ARFGEF2: variants seen among roughly 807,000 people sequenced by gnomAD.
ARFGEF2 encodes the protein ARF guanine nucleotide exchange factor 2.
In ARFGEF2, 74 loss-of-function variants were observed where a neutral mutation model predicts 219.9. The ratio of observed to expected loss-of-function variants is 0.34; its 90% CI spans 0.28 to 0.41. ARFGEF2 has a LOEUF of 0.41. ARFGEF2 is among the 10% of genes least tolerant of loss of function. ARFGEF2 has a pLI of 1.00. For synonymous variants in ARFGEF2, 733 were observed against 799.2 expected, an observed-to-expected ratio of 0.92 and a Z score of 1.40; for missense variants, 1,743 against 2,218.3, an observed-to-expected ratio of 0.79 and a Z score of 4.30.
chr20:48,974,075 T>C (rs1192430652), intron 12 of ARFGEF2, among the ~76,000 whole-genome samples: 2 of 151,792 alleles, frequency 1.3e-5, no homozygotes, highest in Admixed American at 6.6e-5. Flanking sequence ...CTCCTTTTTT[T>C]CAGTCACTGG....
chr20:48,956,827 G>A (rs1033289326), intron 6 of ARFGEF2, among the ~76,000 whole-genome samples: 5 of 152,122 alleles, frequency 3.3e-5, no homozygotes, highest in Non-Finnish European at 7.4e-5. Context: ...TGATCCACCC[G>A]TCTCGGCCTC....
chr20:49,033,447 T>C lies in ARFGEF2; in HGVS notation c.*248T>C. ...TCTGCTTCATTTCTATCATTCCATT[T>C]TTCTGATTAAACTGTCAAATCTGTC... On this transcript the variant is annotated 3_prime_UTR_variant, in exon 39 of 39. Coordinates refer to ENST00000371917, the MANE Select transcript of ARFGEF2 (RefSeq NM_006420.3). 1 of 511,362 alleles carries C rather than the reference T, an allele frequency of 2.0e-6. No individual in the cohort carries two copies. Among genetic ancestry groups the C allele is most frequent in the Non-Finnish European group, 3.5e-6 (1 of 282,972 alleles). 31.7% of individuals were successfully genotyped at this position (511,362 alleles called of 1,614,324 possible).
At chr20:48,989,722 G>A (rs748933090) in intron 20 of ARFGEF2, 38 bp downstream of exon 20, 1 of 1,613,296 alleles carries the variant, frequency 6.2e-7, no homozygotes, top group African/African-American at 1.3e-5. Flanking sequence ...GATACTGGTG[G>A]GTTGTGCTCT....
chr20:48,942,446 C>T (rs1343917823), intron 3 of ARFGEF2, among the ~76,000 whole-genome samples: 1 of 150,098 alleles, frequency 6.7e-6, no homozygotes, highest in Non-Finnish European at 1.5e-5. Context: ...CACCACACCT[C>T]CTGGCTCAGC....
rs776024561 is a variant in ARFGEF2, at chr20:49,010,346, C to T, written c.3699C>T (p.Ala1233=). ...TCTTTGCCGTGTTCCACCAGGCAGC[C>T]TCTGATCATGATGGGAACATTGTGG... ...KNIFAVFHQA[A]SDHDGNIVEL... Residue 1233 remains alanine, a synonymous_variant, in exon 27 of 39, where the codon GCC becomes GCT. Coordinates refer to ENST00000371917, the MANE Select transcript of ARFGEF2 (RefSeq NM_006420.3). 20 of 1,614,088 alleles carry T rather than the reference C, an allele frequency of 1.2e-5. No individual in the cohort carries two copies. Among genetic ancestry groups the T allele is most frequent in the African/African-American group, 4.0e-5 (3 of 74,930 alleles).
rs182206658 is a variant in ARFGEF2 at position 48,984,765 on chromosome 20, C to G, written c.1995C>G (p.Leu665=). ...NKKPKRGIQF[L]QEQGMLGTSV... ...AACCCAAGAGGGGGATCCAGTTTCT[C>G]CAGGAGCAGGGCATGCTGGGAACGT... Residue 665 remains leucine (L), a synonymous_variant, in exon 15 of 39, where the codon CTC becomes CTG. Coordinates refer to ENST00000371917, the MANE Select transcript of ARFGEF2 (RefSeq NM_006420.3). 1.9e-6 allele frequency: 3 copies of G among 1,613,870 alleles called. No individual in the cohort carries two copies. Among genetic ancestry groups the G allele is most frequent in the East Asian group, 2.2e-5 (1 of 44,864 alleles).
intron 3 of ARFGEF2, among the ~76,000 whole-genome samples, chr20:48,945,900 GTTCTCTGAGATGTAATAGA>G (rs1394036454): frequency 6.6e-6 from 1 of 152,114 alleles, no homozygotes; most frequent in Non-Finnish European, 1.5e-5. Context: ...AGGAATGGAA[GTTCTCTGAGATGTAATAGA>G]TTCTCTGAGA....
Position 49,022,429 on chromosome 20 carries a change from CAAA to C in ARFGEF2, c.4625-612_4625-610del, listed in dbSNP as rs1193595894. Among the ~76,000 whole-genome samples, 193 of 140,692 alleles carry C rather than the reference CAAA, an allele frequency of 1.4e-3. 1 individual carries two copies. Among genetic ancestry groups the C allele is most frequent in the Middle Eastern group, 3.6e-3 (1 of 278 alleles). The allele number at this position is 140,692 out of a possible 152,430, so 92.3% of individuals were successfully genotyped here. ...ATTTAAAAAACAACAACAACAACAA[CAAA>C]AAAAAAAAACCCACAAGCTTCTGGC... is the stretch of plus-strand genomic sequence containing the variant. On this transcript the variant is annotated intron_variant, in intron 34 of 38. Coordinates refer to ENST00000371917, the MANE Select transcript of ARFGEF2 (RefSeq NM_006420.3).
At chr20:48,925,624 C>T (rs898249039) in intron 1 of ARFGEF2, among the ~76,000 whole-genome samples, 1 of 151,948 alleles carries the variant, frequency 6.6e-6, no homozygotes, top group Non-Finnish European at 1.5e-5. Flanking sequence ...TTGCATGAGC[C>T]CAGGAGTTTG....
intron 14 of ARFGEF2, among the ~76,000 whole-genome samples, chr20:48,979,876 T>G (rs1023743596): frequency 1.3e-5 from 2 of 152,316 alleles, no homozygotes; most frequent in African/African-American, 4.8e-5. Flanking sequence ...ATTTTCTTCT[T>G]TATTAGTCTT....
Position 48,972,434 on chromosome 20 carries a change from A to C in ARFGEF2, c.1525+9A>C, listed in dbSNP as rs746627844. On this transcript the variant is annotated intron_variant, in intron 11 of 38. Transcript: ENST00000371917. ...GACGAGGATCTGTGCAGGTATTTCC[A>C]CCTGGGGACACTCATCCACTGGACT... 14 of 1,598,430 alleles carry C rather than the reference A, an allele frequency of 8.8e-6. 1 individual carries two copies. The South Asian group carries it at 1.5e-4, about 18-fold the overall frequency.
At chr20:49,014,929 C>T (rs6012582) in intron 30 of ARFGEF2, among the ~76,000 whole-genome samples, 112 of 152,252 alleles carry the variant, frequency 7.4e-4, no homozygotes, top group African/African-American at 2.6e-3. Context: ...AGGCAGCCAC[C>T]GTTAAGACCT....
chr20:48,996,483 G>A (rs1008587588), intron 23 of ARFGEF2, among the ~76,000 whole-genome samples: 3 of 151,442 alleles, frequency 2.0e-5, no homozygotes, highest in Admixed American at 6.6e-5. Context: ...CCATGCTCAT[G>A]CCTGTAATCC....
chr20:49,028,467 C>T, intron 36 of ARFGEF2, 63 bp from the exon 37 acceptor site: 1 of 1,462,892 alleles, frequency 6.8e-7, no homozygotes, highest in Non-Finnish European at 9.6e-7. Context: ...GATTTCTAGT[C>T]ATACACAGTT....
At position 48,921,807 on chromosome 20, in the gene ARFGEF2, G is replaced by T. The variant is rs895185517; in HGVS notation, c.-83G>T. The T allele has an allele frequency of 3.2e-6, 4 of 1,237,538 alleles. No individual in the cohort carries two copies. The highest frequency in any genetic ancestry group is 2.8e-4 in the Middle Eastern group (1 of 3,518). The allele number at this position is 1,237,538 out of a possible 1,614,324, so 76.7% of individuals were successfully genotyped here. ...CGGACGGACGCGGCCGGTGCCGGCC[G>T]GGACGCCGGGCCCGCAGCCTAGCTC... On this transcript the variant is annotated 5_prime_UTR_variant, in exon 1 of 39. Coordinates refer to ENST00000371917, the MANE Select transcript of ARFGEF2 (RefSeq NM_006420.3).
At chr20:48,929,280 TTGTG>T (rs1267394823) in intron 1 of ARFGEF2, among the ~76,000 whole-genome samples, 1 of 152,244 alleles carries the variant, frequency 6.6e-6, no homozygotes, top group Non-Finnish European at 1.5e-5. Context: ...TTTTATACCT[TTGTG>T]AGGAGAACAG....
chr20:48,957,864 A>G (rs543090955), intron 6 of ARFGEF2, among the ~76,000 whole-genome samples: 23 of 152,260 alleles, frequency 1.5e-4, no homozygotes, highest in Admixed American at 1.1e-3. Context: ...TTGATTTTGC[A>G]TAAGTACTAT....
rs2091630844 is a variant in ARFGEF2, at chr20:49,031,012, TG to T, written c.5064-1036del. Among the ~76,000 whole-genome samples the T allele has an allele frequency of 2.6e-5, 4 of 152,038 alleles. No homozygotes were observed. In the South Asian group the frequency reaches 8.3e-4, roughly 32 times the overall value. ...CGTCTCAAAATAAAAAAAAGAGATATGTAAATGTCAAGTTTTTGGCATGTTT... is the reference window on the plus strand; with the variant it reads ...CGTCTCAAAATAAAAAAAAGAGATATTAAATGTCAAGTTTTTGGCATGTTT... On this transcript the variant is annotated intron_variant, in intron 37 of 38. Transcript: ENST00000371917.
intron 1 of ARFGEF2, among the ~76,000 whole-genome samples, chr20:48,931,599 G>T (rs2090913703): frequency 6.6e-6 from 1 of 151,906 alleles, no homozygotes; most frequent in Non-Finnish European, 1.5e-5. Flanking sequence ...ATTAGGTGCT[G>T]AGGAAGTCCC....
Sources: gnomAD v4.1 joint callset for allele counts (sites outside exome capture counted in the v4.1 genomes callset) on GRCh38, gnomAD v4.1.1 for gene constraint, MANE v1.5 for transcripts, NCBI Gene and HGNC (gene_info 2026-07-23, HGNC 2026-07-21) for gene names.